The following FREM1 variants were observed in gnomAD, a reference collection of about 807,000 sequenced individuals.
FREM1 encodes FRAS1-related extracellular matrix protein 1.
In FREM1, 220 loss-of-function variants were observed where a neutral mutation model predicts 210.1. The ratio of observed to expected loss-of-function variants is 1.05; its 90% confidence interval spans 0.94 to 1.17. The LOEUF (loss-of-function observed/expected upper bound fraction) is 1.17, where lower values mean the gene tolerates loss of function less well. Among genes scored for constraint, FREM1 ranks in the 50% most tolerant of loss-of-function variants. FREM1 has a pLI of 0.00. For synonymous variants in FREM1, 1,189 were observed against 980.2 expected (o/e 1.21, Z -3.98); for missense variants, 3,454 against 2,675.5 (o/e 1.29, Z -6.42).
chr9:14,798,749 C>T (rs932220183), intron 20 of FREM1, among the ~76,000 whole-genome samples: 2 of 152,132 alleles, frequency 1.3e-5, no homozygotes, highest in Admixed American at 6.5e-5. Context: ...TATTGGCTCA[C>T]TACAACATCT....
At chr9:14,784,855 C>T (rs903302580) in intron 23 of FREM1, among the ~76,000 whole-genome samples, 4 of 152,092 alleles carry the variant, frequency 2.6e-5, no homozygotes, top group African/African-American at 9.7e-5. Context: ...TTTTTAAATG[C>T]TCAAGCTCAT....
intron 36 of FREM1, among the ~76,000 whole-genome samples, chr9:14,739,825 G>A (rs546951160): frequency 3.3e-5 from 5 of 151,804 alleles, no homozygotes; most frequent in Admixed American, 6.6e-5. Flanking sequence ...TCATGTGGCT[G>A]TACTATAATT....
At chr9:14,764,750 C>T (rs906637165) in intron 27 of FREM1, among the ~76,000 whole-genome samples, 3 of 152,130 alleles carry the variant, frequency 2.0e-5, no homozygotes, top group Admixed American at 6.5e-5. Context: ...TGTTGAGACA[C>T]CCGGTCCTGG....
At chr9:14,765,220 A>G (rs1048319953) in intron 27 of FREM1, among the ~76,000 whole-genome samples, 5 of 152,204 alleles carry the variant, frequency 3.3e-5, no homozygotes, top group African/African-American at 1.2e-4. Flanking sequence ...AAACTCCGTA[A>G]TCGAATGCTA....
At position 14,859,413 on chromosome 9, in the gene FREM1, A is replaced by T. The variant is rs910497680; in HGVS notation, c.401T>A (p.Ile134Asn). 1 of 1,613,786 alleles carries T rather than the reference A, an allele frequency of 6.2e-7. No homozygotes were observed. Among genetic ancestry groups the T allele is most frequent in the Non-Finnish European group, 8.5e-7 (1 of 1,179,682 alleles). The change falls in exon 4 of 37, where the codon ATC (isoleucine) becomes AAC (asparagine). Residue 134 changes from isoleucine to asparagine, a missense_variant. Ile to Asn is a moderately radical substitution (Grantham distance 149). Coordinates refer to ENST00000380880, the MANE Select transcript of FREM1 (RefSeq NM_001379081.2). ...WVYLLEPDCN[I>N]IHMSNNVLEV... is the part of the protein sequence containing the mutation. ...CAGCACATTGTTACTCATATGGATG[A>T]TGTTACAGTCTGGTTCCAGGAGATA... is the stretch of plus-strand genomic sequence containing the variant.
intron 8 of FREM1, among the ~76,000 whole-genome samples, chr9:14,844,577 C>T (rs960593399): frequency 1.2e-4 from 19 of 152,174 alleles, no homozygotes; most frequent in East Asian, 3.9e-4. Flanking sequence ...CTTCACACCA[C>T]GTGGCTGTGT....
Position 14,740,151 on chromosome 9 carries a change from A to G in FREM1, c.6338T>C (p.Ile2113Thr), listed in dbSNP as rs1014736331. Reference protein sequence around the residue: ...WDIGGRKSFWIGLNDQVHAGH... With the variant: ...WDIGGRKSFWTGLNDQVHAGH... Reference sequence around the variant, plus strand: ...CAGCCTCCCTCCCAGATACTTGCCTATCCAAAAGGACTTTCTCCCACCAAT... The same window carrying G: ...CAGCCTCCCTCCCAGATACTTGCCTGTCCAAAAGGACTTTCTCCCACCAAT... The change falls in exon 36 of 37, where the codon ATA becomes ACA. Residue 2113 changes from isoleucine to threonine, a missense_variant and splice_region_variant. Coordinates refer to ENST00000380880, the MANE Select transcript of FREM1 (RefSeq NM_001379081.2). 6.2e-7 allele frequency: 1 copy of G among 1,610,414 alleles called. No individual in the cohort carries two copies. The highest frequency in any genetic ancestry group is 2.2e-5 in the East Asian group (1 of 44,818).
chr9:14,898,985 G>C (rs1838280279), intron 1 of FREM1, among the ~76,000 whole-genome samples: 1 of 152,182 alleles, frequency 6.6e-6, no homozygotes, highest in African/African-American at 2.4e-5. Flanking sequence ...TTTATAAAAA[G>C]TTGTGAGTTG....
chr9:14,879,742 C>T (rs2065483), intron 1 of FREM1, among the ~76,000 whole-genome samples: 3 of 152,230 alleles, frequency 2.0e-5, no homozygotes, highest in Admixed American at 6.5e-5. Context: ...TGCTTCCATT[C>T]GGTAAAGCAA....
chr9:14,775,078 T>C (rs777603460), intron 25 of FREM1, among the ~76,000 whole-genome samples: 2 of 152,202 alleles, frequency 1.3e-5, no homozygotes, highest in Admixed American at 6.5e-5. Flanking sequence ...ACATCAAATA[T>C]GTTTCAGGCC....
chr9:14,775,691 G>A, intron 25 of FREM1, 98 bp downstream of exon 25: 1 of 764,282 alleles, frequency 1.3e-6, no homozygotes, highest in South Asian at 2.0e-5. Context: ...CTGGGTGACA[G>A]AGAGAGACTC....
Position 14,792,849 on chromosome 9 carries a change from C to T in FREM1, c.3875G>A (p.Arg1292His), listed in dbSNP as rs41265308. The change falls in exon 22 of 37, where the codon CGT becomes CAT. Residue 1292 changes from arginine to histidine, a missense_variant. By Grantham distance (29) the Arg-to-His change is conservative. Transcript: ENST00000380880. ...TGAAAGAATAGCACTGGAAATAATA[C>T]GAGTTTCACCCATATTCATTGCAAT... Reference protein sequence around the residue: ...AEIAMNMGETRIISSAILSAI... With the variant: ...AEIAMNMGETHIISSAILSAI... 86 of 1,593,694 alleles carry T rather than the reference C, an allele frequency of 5.4e-5. No homozygotes were observed. Among genetic ancestry groups the T allele is most frequent in the African/African-American group, 1.1e-4 (8 of 74,704 alleles).
chr9:14,884,987 C>T lies in FREM1; in HGVS notation c.-267-15743G>A, dbSNP rs894639733. Among the ~76,000 whole-genome samples, 19 of 112,338 alleles carry T rather than the reference C, an allele frequency of 1.7e-4. 1 individual carries two copies. The highest frequency in any genetic ancestry group is 5.6e-4 in the African/African-American group (14 of 25,018). The allele number at this position is 112,338 out of a possible 152,430, so 73.7% of individuals were successfully genotyped here. The stretch of plus-strand genomic sequence containing the variant: ...TCGCCCAGGCTGGAGTGCAGTGGTG[C>T]GATCTCGGCTCACTGCAAGCTCCGC... On this transcript the variant is annotated intron_variant, in intron 1 of 36. Transcript: ENST00000380880.
At chr9:14,754,890 C>T (rs1302554110) in intron 29 of FREM1, among the ~76,000 whole-genome samples, 2 of 152,136 alleles carry the variant, frequency 1.3e-5, no homozygotes, top group African/African-American at 4.8e-5. Flanking sequence ...GCTGAGATTG[C>T]ACCACTGCAC....
chr9:14,868,634 T>C (rs938013001), intron 2 of FREM1, 110 bp downstream of exon 2: 1 of 714,714 alleles, frequency 1.4e-6, no homozygotes, highest in Non-Finnish European at 2.5e-6. Context: ...AATACTCGTC[T>C]TTGATGGCTT....
At chr9:14,786,953 C>G (rs1850520697) in intron 23 of FREM1, among the ~76,000 whole-genome samples, 1 of 152,096 alleles carries the variant, frequency 6.6e-6, no homozygotes, top group Admixed American at 6.6e-5. Context: ...GAAGAGCAAC[C>G]AGCTCTTGCC....
intron 3 of FREM1, among the ~76,000 whole-genome samples, chr9:14,862,505 G>A (rs940801572): frequency 1.3e-5 from 2 of 152,106 alleles, no homozygotes; most frequent in African/African-American, 4.8e-5. Flanking sequence ...AATTTTCACT[G>A]GGATATAATT....
At position 14,869,186 on chromosome 9, in the gene FREM1, G is replaced by A. The variant is rs1032490866; in HGVS notation, c.-209C>T. 9.8e-6 allele frequency: 5 copies of A among 511,618 alleles called. No individual in the cohort carries two copies. The highest frequency in any genetic ancestry group is 5.8e-5 in the East Asian group (2 of 34,454). The allele number at this position is 511,618 out of a possible 1,614,324, so 31.7% of individuals were successfully genotyped here. On this transcript the variant is annotated 5_prime_UTR_variant, in exon 2 of 37. Transcript: ENST00000380880. ...AATCCCAGGGCTTTTAATAAAACTC[G>A]CTGATCACTCCTGACAACGCCGGCA...
chr9:14,820,812 C>G (rs1821162006), intron 13 of FREM1, among the ~76,000 whole-genome samples: 1 of 152,190 alleles, frequency 6.6e-6, no homozygotes, highest in South Asian at 2.1e-4. Context: ...TATATTTTCA[C>G]TGTTTGTAGG....
Sources: allele counts gnomAD v4.1 joint callset (sites outside exome capture counted in the v4.1 genomes callset), GRCh38; gene constraint gnomAD v4.1.1; transcripts MANE v1.5; gene names NCBI Gene and HGNC (gene_info 2026-07-23, HGNC 2026-07-21).